TECR: variants seen among roughly 807,000 people sequenced by gnomAD.
The protein encoded by TECR is trans-2,3-enoyl-CoA reductase.
A neutral mutation model predicts 50.6 loss-of-function variants in TECR; 19 were observed. The ratio of observed to expected loss-of-function variants is 0.38; its 90% CI spans 0.26 to 0.55. The LOEUF (loss-of-function observed/expected upper bound fraction) is 0.55, where lower values mean the gene tolerates loss of function less well. TECR is among the 20% of genes least tolerant of loss of function. The probability of loss-of-function intolerance (pLI) is 0.79; values close to 1 mark genes in which losing one functional copy is unlikely to be tolerated. For synonymous variants in TECR, 168 were observed against 163.5 expected (o/e 1.03, Z -0.21); for missense variants, 313 against 408.3 (o/e 0.77, Z 2.01).
At chr19:14,562,371 A>C in intron 1 of TECR, 154 bp from the exon 2 acceptor site, 1 of 780,544 alleles carries the variant, frequency 1.3e-6, no homozygotes, top group East Asian at 2.7e-5. Flanking sequence ...GGCAGAGCCG[A>C]GTGGCAGGGC....
At chr19:14,554,920 A>G (rs186980730) in intron 1 of TECR, among the ~76,000 whole-genome samples, 1 of 151,928 alleles carries the variant, frequency 6.6e-6, no homozygotes, top group Non-Finnish European at 1.5e-5. Flanking sequence ...CTGGGACTAC[A>G]GGCGTGTGCC....
Position 14,563,133 on chromosome 19 carries a change from C to A in TECR, c.67-73C>A, listed in dbSNP as rs1164808056. The A allele has an allele frequency of 1.9e-6, 3 of 1,607,944 alleles. No individual in the cohort carries two copies. Among genetic ancestry groups the A allele is most frequent in the African/African-American group, 2.7e-5 (2 of 74,784 alleles). The stretch of plus-strand genomic sequence containing the variant: ...ACAGCCCAACCCCCAGCCTGCCATC[C>A]CCTTTAGTACCTCCCCATCCTGAGT... On this transcript the variant is annotated intron_variant, in intron 2 of 12. Transcript: ENST00000215567. This position sits in a 1 kb window ranked among gnomAD's most constrained non-coding sequence, Gnocchi z 5.3.
intron 1 of TECR, among the ~76,000 whole-genome samples, chr19:14,560,330 C>T (rs1162012424): frequency 6.6e-6 from 1 of 152,198 alleles, no homozygotes; most frequent in Admixed American, 6.5e-5. Context: ...GAGGCCTTCT[C>T]TCCCTGTGGA....
At position 14,565,135 on chromosome 19, in the gene TECR, C is replaced by T. The variant is rs1052096336; in HGVS notation, c.664+12C>T. 21 of 1,613,626 alleles carry T rather than the reference C, an allele frequency of 1.3e-5. No homozygotes were observed. Among genetic ancestry groups the T allele is most frequent in the Non-Finnish European group, 1.8e-5 (21 of 1,180,034 alleles). ...CCTGCGGCCCGCTGGTGAGTGCCTGCTGGGGGCAGGGGGACAGCTGGGCTG... is the reference window on the plus strand; with the variant it reads ...CCTGCGGCCCGCTGGTGAGTGCCTGTTGGGGGCAGGGGGACAGCTGGGCTG... On this transcript the variant is annotated intron_variant, in intron 10 of 12. Coordinates refer to ENST00000215567, the MANE Select transcript of TECR (RefSeq NM_138501.6).
chr19:14,562,272 G>C, intron 1 of TECR: 1 of 607,486 alleles, frequency 1.6e-6, no homozygotes, highest in Non-Finnish European at 2.9e-6. Context: ...GGCAGAATTT[G>C]ATCGCGCTTG....
intron 1 of TECR, among the ~76,000 whole-genome samples, chr19:14,554,286 G>A (rs1002151991): frequency 6.6e-6 from 1 of 152,184 alleles, no homozygotes. Context: ...GTTGGTCGCT[G>A]TTCTCACTCA....
intron 1 of TECR, chr19:14,531,872 G>A (rs1403198573): frequency 6.6e-6 from 1 of 152,074 alleles, no homozygotes; most frequent in African/African-American, 2.4e-5. Flanking sequence ...ATCTAAACCT[G>A]TAGTCCCACT....
chr19:14,533,734 C>T (rs556543232), intron 1 of TECR, among the ~76,000 whole-genome samples: 1 of 152,290 alleles, frequency 6.6e-6, no homozygotes, highest in Admixed American at 6.5e-5. Flanking sequence ...GTTTTCCACT[C>T]TGTGGCCTAA....
In TECR at chr19:14,565,919, G is replaced by T. The variant is rs1300205282; in HGVS notation, c.*48G>T. 2.6e-6 allele frequency: 4 copies of T among 1,543,606 alleles called. No individual in the cohort carries two copies. The highest frequency in any genetic ancestry group is 4.8e-5 in the East Asian group (2 of 41,598). On this transcript the variant is annotated 3_prime_UTR_variant, in exon 13 of 13. Coordinates refer to ENST00000215567, the MANE Select transcript of TECR (RefSeq NM_138501.6). ...AGCCCCTCAACCCGGTGGCATTCTG[G>T]GGGAGGAGTGGGGCCCACAGCTCTC...
At chr19:14,557,956 C>A (rs544051776) in intron 1 of TECR, among the ~76,000 whole-genome samples, 3 of 151,332 alleles carry the variant, frequency 2.0e-5, no homozygotes. Flanking sequence ...GGGGTTTCAC[C>A]GTGTTAGCCA....
In TECR at chr19:14,563,511, C is replaced by T. The variant is rs1345665446; in HGVS notation, c.119-147C>T. On this transcript the variant is annotated intron_variant, in intron 3 of 12. Transcript: ENST00000215567. The surrounding 1 kb of genome is among the most constrained non-coding windows in gnomAD (Gnocchi z 5.3). ...GCTTGTGTCCTGAAACCGCACAAGC[C>T]TGAGGGTTTGCCCCCAGGTGGGAGG... 1.8e-6 allele frequency: 2 copies of T among 1,085,154 alleles called. No individual in the cohort carries two copies. The highest frequency in any genetic ancestry group is 2.7e-6 in the Non-Finnish European group (2 of 729,908). 67.2% of individuals were successfully genotyped at this position (1,085,154 alleles called of 1,614,324 possible). A position where few individuals can be genotyped will look rare whatever the true frequency, so the allele number is the denominator to read the frequency against.
chr19:14,557,488 G>A (rs2073771079), intron 1 of TECR, among the ~76,000 whole-genome samples: 1 of 150,558 alleles, frequency 6.6e-6, no homozygotes, highest in South Asian at 2.1e-4. Context: ...GTCTTGCTCT[G>A]TCTCCCAGGC....
At chr19:14,532,703 A>C (rs529637844) in intron 1 of TECR, among the ~76,000 whole-genome samples, 1 of 152,300 alleles carries the variant, frequency 6.6e-6, no homozygotes, top group South Asian at 2.1e-4. Context: ...AGCGGATTGC[A>C]TAGCAAGCAG....
intron 1 of TECR, chr19:14,545,068 T>C: frequency 2.2e-6 from 1 of 456,646 alleles, no homozygotes; most frequent in Admixed American, 2.4e-5. Context: ...CTCTCACCAC[T>C]GTCTCTGAAG....
intron 11 of TECR, 28 bp from the exon 12 acceptor site, chr19:14,565,590 C>A: frequency 6.2e-7 from 1 of 1,603,940 alleles, no homozygotes; most frequent in Non-Finnish European, 8.5e-7. Context: ...CGAGGCTGCC[C>A]ACGCTCACTC....
intron 1 of TECR, among the ~76,000 whole-genome samples, chr19:14,538,524 ACT>A (rs920300118): frequency 7.5e-6 from 1 of 134,168 alleles, no homozygotes; most frequent in Non-Finnish European, 1.6e-5. Context: ...AGGCCTCAAA[ACT>A]CTTTTTTTTC....
intron 1 of TECR, among the ~76,000 whole-genome samples, chr19:14,554,653 C>A (rs1033370176): frequency 1.3e-5 from 2 of 152,190 alleles, no homozygotes; most frequent in Non-Finnish European, 2.9e-5. Flanking sequence ...GCTCTTCCAG[C>A]CTTGGCTCAG....
chr19:14,550,820 A>G (rs1021260434), intron 1 of TECR, among the ~76,000 whole-genome samples: 1 of 151,784 alleles, frequency 6.6e-6, no homozygotes, highest in Non-Finnish European at 1.5e-5. Flanking sequence ...AGCTGGGACT[A>G]CAGGCCCGTA....
intron 1 of TECR, 129 bp from the exon 2 acceptor site, chr19:14,562,396 A>G (rs1043859787): frequency 3.2e-6 from 3 of 951,336 alleles, no homozygotes; most frequent in Non-Finnish European, 5.0e-6. Flanking sequence ...GGCAGGCGGC[A>G]TGGACTTGAA....
Sources: allele counts gnomAD v4.1 joint callset (sites outside exome capture counted in the v4.1 genomes callset), GRCh38; gene constraint gnomAD v4.1.1; non-coding constraint Gnocchi (gnomAD v3.1); transcripts MANE v1.5; gene names NCBI Gene and HGNC (gene_info 2026-07-23, HGNC 2026-07-21).